Variants in MAP4 observed in about 807,000 individuals in gnomAD.
The protein encoded by MAP4 is microtubule-associated protein 4.
MAP4 carries 76 observed loss-of-function variants against 170.2 expected under a neutral mutation model. The ratio of observed to expected loss-of-function variants is 0.45; its 90% CI spans 0.37 to 0.54. The LOEUF is 0.54. Ranked by LOEUF, MAP4 falls within the 20% of genes least tolerant of loss-of-function variation. The probability of loss-of-function intolerance (pLI) is 0.00; values close to 1 mark genes in which losing one functional copy is unlikely to be tolerated. For synonymous variants in MAP4, 909 were observed against 994.5 expected (o/e 0.91, Z 1.62); for missense variants, 2,506 against 2,748.0 (o/e 0.91, Z 1.97).
chr3:47,877,380 T>C (rs2152480617), intron 11 of MAP4, 37 bp downstream of exon 11: 3 of 1,478,682 alleles, frequency 2.0e-6, no homozygotes, highest in East Asian at 2.3e-5. Context: ...GTTTAAAAAT[T>C]ATGGCAGTAG....
chr3:47,912,540 T>C, intron 8 of MAP4, 119 bp from the exon 9 acceptor site: 1 of 742,738 alleles, frequency 1.3e-6, no homozygotes, highest in Admixed American at 3.4e-5. Flanking sequence ...TTTTCACTAA[T>C]ACATATAGTA....
At chr3:48,024,929 C>CA (rs1559811833) in intron 1 of MAP4, among the ~76,000 whole-genome samples, 2 of 150,326 alleles carry the variant, frequency 1.3e-5, no homozygotes, top group Non-Finnish European at 3.0e-5. Context: ...GTTCCAAAAC[C>CA]AAAAAAAGGC....
At chr3:47,907,235 A>AAT (rs1423698087) in intron 9 of MAP4, among the ~76,000 whole-genome samples, 1 of 152,166 alleles carries the variant, frequency 6.6e-6, no homozygotes, top group Non-Finnish European at 1.5e-5. Flanking sequence ...GAAATCAGGA[A>AAT]ATATATATGT....
chr3:47,930,130 C>T (rs1419491417), intron 3 of MAP4, among the ~76,000 whole-genome samples: 1 of 151,464 alleles, frequency 6.6e-6, no homozygotes, highest in Non-Finnish European at 1.5e-5. Flanking sequence ...GACTGCGTCT[C>T]AAAAAACAAA....
intron 7 of MAP4, 59 bp downstream of exon 7, chr3:47,915,892 G>T: frequency 6.5e-7 from 1 of 1,536,896 alleles, no homozygotes; most frequent in Non-Finnish European, 8.8e-7. Context: ...TTTGTCCTTA[G>T]TCTTCTCGAG....
intron 2 of MAP4, among the ~76,000 whole-genome samples, chr3:47,982,273 T>A (rs953368088): frequency 1.3e-5 from 2 of 152,196 alleles, no homozygotes; most frequent in Non-Finnish European, 2.9e-5. Flanking sequence ...TAAGTTTACA[T>A]ACATATTTAG....
At chr3:47,937,656 CTTTT>C (rs71070243) in intron 3 of MAP4, among the ~76,000 whole-genome samples, 31 of 107,922 alleles carry the variant, frequency 2.9e-4, no homozygotes, top group Non-Finnish European at 4.4e-4. Flanking sequence ...TTTTCTTCTT[CTTTT>C]TTTTTTTTTT....
intron 2 of MAP4, 126 bp downstream of exon 2, chr3:47,998,512 A>G: frequency 1.4e-6 from 1 of 732,032 alleles, no homozygotes; most frequent in Middle Eastern, 3.9e-4. Context: ...TCTAACAAAG[A>G]AACATAAAGT....
At chr3:48,061,882 G>GGA (rs2100135745) in intron 1 of MAP4, among the ~76,000 whole-genome samples, 1 of 147,540 alleles carries the variant, frequency 6.8e-6, no homozygotes, top group Non-Finnish European at 1.5e-5. Context: ...CCGGGAGGTG[G>GGA]GGGGCGCCTC....
chr3:47,955,702 C>G (rs1239457338), intron 3 of MAP4, among the ~76,000 whole-genome samples: 2 of 152,218 alleles, frequency 1.3e-5, no homozygotes, highest in East Asian at 3.9e-4. Flanking sequence ...ACATCACCAA[C>G]AATGAAAAAG....
intron 9 of MAP4, among the ~76,000 whole-genome samples, chr3:47,904,772 C>T (rs542221620): frequency 6.6e-5 from 10 of 151,796 alleles, no homozygotes; most frequent in African/African-American, 2.2e-4. Context: ...TTCAAGAGAG[C>T]GATTCTCCTG....
intron 3 of MAP4, among the ~76,000 whole-genome samples, chr3:47,963,205 T>C (rs1001130361): frequency 6.6e-6 from 1 of 152,180 alleles, no homozygotes; most frequent in Admixed American, 6.5e-5. Flanking sequence ...ACACAACCAA[T>C]TAAGTAGGAA....
intron 10 of MAP4, chr3:47,891,763 A>G: frequency 2.6e-6 from 4 of 1,536,508 alleles, no homozygotes; most frequent in Non-Finnish European, 3.5e-6. Flanking sequence ...AATGCTCAAT[A>G]ATGGGGGCTG....
intron 1 of MAP4, among the ~76,000 whole-genome samples, chr3:48,061,192 C>A (rs1181267808): frequency 1.3e-5 from 2 of 151,128 alleles, no homozygotes; most frequent in Non-Finnish European, 2.9e-5. Context: ...CTCCCCCTCC[C>A]CCTCCCCCTC....
intron 10 of MAP4, among the ~76,000 whole-genome samples, chr3:47,887,497 T>C (rs1481739353): frequency 2.6e-5 from 4 of 152,172 alleles, no homozygotes; most frequent in Admixed American, 6.5e-5. Context: ...CACCCCTCCA[T>C]GGGCTCCTGT....
chr3:48,073,401 C>T (rs527745100), intron 1 of MAP4, among the ~76,000 whole-genome samples: 1 of 151,396 alleles, frequency 6.6e-6, no homozygotes, highest in Non-Finnish European at 1.5e-5. Flanking sequence ...CACCTGAGGT[C>T]GGGAGTATGA....
At chr3:48,042,634 A>C (rs2154535260) in intron 1 of MAP4, among the ~76,000 whole-genome samples, 1 of 152,334 alleles carries the variant, frequency 6.6e-6, no homozygotes, top group South Asian at 2.1e-4. Context: ...ATGTGGCAAG[A>C]ACTGGAACCC....
intron 18 of MAP4, among the ~76,000 whole-genome samples, chr3:47,856,941 T>C (rs2057588173): frequency 6.6e-6 from 1 of 152,220 alleles, no homozygotes; most frequent in Non-Finnish European, 1.5e-5. Context: ...GGGCCAACCA[T>C]GTTGCTGGAA....
chr3:48,070,864 A>C (rs1365528538), intron 1 of MAP4, among the ~76,000 whole-genome samples: 1 of 150,200 alleles, frequency 6.7e-6, no homozygotes, highest in Non-Finnish European at 1.5e-5. Flanking sequence ...AAAAGCAAAA[A>C]CTTAGCCAGG....
Sources: allele counts gnomAD v4.1 joint callset (sites outside exome capture counted in the v4.1 genomes callset), GRCh38; gene constraint gnomAD v4.1.1; transcripts MANE v1.5; gene names NCBI Gene and HGNC (gene_info 2026-07-23, HGNC 2026-07-21).